Variants in VPS13B observed in about 807,000 individuals in gnomAD.
VPS13B encodes the protein vacuolar protein sorting 13 homolog B, also known as intermembrane lipid transfer protein VPS13B.
Under a neutral mutation model 426.4 loss-of-function variants are expected in VPS13B, and 285 were observed. The observed-to-expected ratio is 0.67, with a 90% CI of 0.61 to 0.74. The LOEUF is 0.74. VPS13B is among the 30% of genes least tolerant of loss of function. The pLI is 0.00. For synonymous variants in VPS13B, 1,676 were observed against 1,676.4 expected (o/e 1.00, Z 0.01); for missense variants, 4,537 against 4,782.6 (o/e 0.95, Z 1.51).
intron 44 of VPS13B, among the ~76,000 whole-genome samples, chr8:99,811,650 TGGCA>T (rs533576249): frequency 6.7e-4 from 102 of 152,204 alleles, no homozygotes; most frequent in Non-Finnish European, 1.3e-3. Context: ...GTTACTGAAA[TGGCA>T]GGGTCCCTCC....
intron 21 of VPS13B, chr8:99,424,251 T>A (rs928507564): frequency 6.6e-6 from 1 of 152,172 alleles, no homozygotes; most frequent in African/African-American, 2.4e-5. Flanking sequence ...TTTTTTGTTT[T>A]CCATTTGCTT....
At chr8:99,228,999 T>C (rs1382391906) in intron 17 of VPS13B, among the ~76,000 whole-genome samples, 1 of 152,174 alleles carries the variant, frequency 6.6e-6, no homozygotes, top group Non-Finnish European at 1.5e-5. Context: ...ATGAATCTTC[T>C]GTGCGCTGTT....
At chr8:99,328,264 G>A (rs1221882247) in intron 19 of VPS13B, among the ~76,000 whole-genome samples, 3 of 152,160 alleles carry the variant, frequency 2.0e-5, no homozygotes, top group African/African-American at 4.8e-5. Flanking sequence ...AACCAAGTCC[G>A]TGGTAAAATT....
intron 35 of VPS13B, among the ~76,000 whole-genome samples, chr8:99,667,209 CAGATGAAGT>C (rs1424277099): frequency 1.3e-5 from 2 of 152,116 alleles, no homozygotes; most frequent in African/African-American, 4.8e-5. Flanking sequence ...AAAAAGCTCC[CAGATGAAGT>C]AGATGCTGTT....
intron 54 of VPS13B, among the ~76,000 whole-genome samples, chr8:99,845,982 C>T (rs1815963211): frequency 6.6e-6 from 1 of 152,152 alleles, no homozygotes; most frequent in Non-Finnish European, 1.5e-5. Context: ...AGCCCATTGG[C>T]CAAAACTAGT....
rs147398593 is a variant in VPS13B at position 99,069,612 on chromosome 8, G to A, written c.292-26700G>A. On this transcript the variant is annotated intron_variant, in intron 3 of 61. Transcript: ENST00000357162. ...GTATACACAGATATTTACATGTCTA[G>A]ATTTCACAGTAGGTTGATCTGAGAA... Among the ~76,000 whole-genome samples the A allele has an allele frequency of 3.4e-3, 518 of 152,190 alleles. 4 individuals carry two copies. The highest frequency in any genetic ancestry group is 0.011 in the African/African-American group (474 of 41,520).
intron 23 of VPS13B, among the ~76,000 whole-genome samples, chr8:99,453,593 T>A (rs958365650): frequency 2.0e-5 from 3 of 152,178 alleles, no homozygotes; most frequent in Non-Finnish European, 4.4e-5. Context: ...AAAGGAAACT[T>A]ACCCTATTTA....
chr8:99,474,859 A>C (rs1417274164), intron 24 of VPS13B, among the ~76,000 whole-genome samples: 1 of 152,192 alleles, frequency 6.6e-6, no homozygotes, highest in African/African-American at 2.4e-5. Context: ...TCTGAGAAAC[A>C]AAAATATATA....
rs569140784 is a variant in VPS13B at position 99,554,146 on chromosome 8, G to A, written c.4746-2304G>A. Among the ~76,000 whole-genome samples, 3 of 152,188 alleles carry A rather than the reference G, an allele frequency of 2.0e-5. No individual in the cohort carries two copies. The South Asian group carries it at 6.2e-4, about 32-fold the overall frequency. ...GCTTTTCCATGTATCAAGGGAAATA[G>A]GAAATCGGTTGTTTACATTGGGATT... On this transcript the variant is annotated intron_variant, in intron 30 of 61. Coordinates refer to ENST00000357162, the MANE Select transcript of VPS13B (RefSeq NM_152564.5).
intron 17 of VPS13B, among the ~76,000 whole-genome samples, chr8:99,194,350 A>G (rs1218882924): frequency 1.3e-5 from 2 of 152,152 alleles, no homozygotes; most frequent in Admixed American, 6.5e-5. Context: ...TTTGAATTGA[A>G]CTTACTGCTC....
chr8:99,439,178 T>A (rs1294459881), intron 22 of VPS13B, among the ~76,000 whole-genome samples: 1 of 152,184 alleles, frequency 6.6e-6, no homozygotes, highest in Non-Finnish European at 1.5e-5. Context: ...CATGAAGCAA[T>A]TATTTTCATT....
chr8:99,195,110 G>C (rs539178360), intron 17 of VPS13B, among the ~76,000 whole-genome samples: 5 of 152,144 alleles, frequency 3.3e-5, no homozygotes, highest in Non-Finnish European at 7.4e-5. Flanking sequence ...CTCCCAAAGT[G>C]CTGGGATTAT....
At chr8:99,538,354 C>A (rs985348100) in intron 30 of VPS13B, among the ~76,000 whole-genome samples, 2 of 151,898 alleles carry the variant, frequency 1.3e-5, no homozygotes, top group Non-Finnish European at 2.9e-5. Flanking sequence ...AAAGTAGGTT[C>A]TTTATTCTTT....
chr8:99,262,582 G>T (rs547007917), intron 17 of VPS13B, among the ~76,000 whole-genome samples: 1 of 152,170 alleles, frequency 6.6e-6, no homozygotes, highest in Non-Finnish European at 1.5e-5. Context: ...CCCCTGAAAG[G>T]ATAATACTTA....
At chr8:99,811,071 A>G (rs949136938) in intron 44 of VPS13B, among the ~76,000 whole-genome samples, 6 of 152,152 alleles carry the variant, frequency 3.9e-5, no homozygotes. Context: ...TCTGTCACTC[A>G]TGGTCTTTCA....
At chr8:99,457,633 T>C (rs181764317) in intron 23 of VPS13B, among the ~76,000 whole-genome samples, 1 of 152,104 alleles carries the variant, frequency 6.6e-6, no homozygotes, top group African/African-American at 2.4e-5. Context: ...AATAGCTTTG[T>C]GTTTAGTTTT....
At chr8:99,578,284 A>G (rs1176332624) in intron 33 of VPS13B, among the ~76,000 whole-genome samples, 3 of 152,162 alleles carry the variant, frequency 2.0e-5, no homozygotes, top group African/African-American at 7.2e-5. Flanking sequence ...ACTCAGGTGA[A>G]CAAACTGTTT....
intron 17 of VPS13B, among the ~76,000 whole-genome samples, chr8:99,262,294 A>G (rs1249533092): frequency 6.6e-6 from 1 of 152,174 alleles, no homozygotes. Context: ...ACTTAACCCT[A>G]GAATGGGTCA....
At chr8:99,506,089 A>G (rs1250723176) in intron 27 of VPS13B, among the ~76,000 whole-genome samples, 1 of 152,136 alleles carries the variant, frequency 6.6e-6, no homozygotes, top group African/African-American at 2.4e-5. Flanking sequence ...TTTGCTGTAT[A>G]CGTCCCATCC....
Sources: allele counts gnomAD v4.1 joint callset (sites outside exome capture counted in the v4.1 genomes callset), GRCh38; gene constraint gnomAD v4.1.1; transcripts MANE v1.5; gene names NCBI Gene and HGNC (gene_info 2026-07-23, HGNC 2026-07-21).